ALKAL2: variants seen among roughly 807,000 people sequenced by gnomAD.
ALKAL2 encodes the protein ALK and LTK ligand 2.
Under a neutral mutation model 18.5 loss-of-function variants are expected in ALKAL2, and 8 were observed. That is an observed-to-expected ratio of 0.43 (90% CI 0.25 to 0.78). ALKAL2 has a LOEUF of 0.78. ALKAL2 is among the 30% of genes least tolerant of loss of function. ALKAL2 has a pLI of 0.22. For synonymous variants in ALKAL2, 135 were observed against 95.8 expected (o/e 1.41, Z -2.39); for missense variants, 241 against 211.2 (o/e 1.14, Z -0.88).
rs1332487337 is a variant in ALKAL2 at position 285,836 on chromosome 2, C to CA, written c.388+286dup. The CA allele has an allele frequency of 2.2e-5, 8 of 371,260 alleles. No homozygotes were observed. In the East Asian group the frequency reaches 4.3e-4, roughly 20 times the overall value. The allele number at this position is 371,260 out of a possible 1,614,324, so 23.0% of individuals were successfully genotyped here. On this transcript the variant is annotated intron_variant, in intron 4 of 5. Transcript: ENST00000403610. ...TCTGACTGCCATAGTAGAGTACACA[C>CA]AAACATGGGCATTGGAGGAGAATTA... is the stretch of plus-strand genomic sequence containing the variant.
intron 5 of ALKAL2, 35 bp downstream of exon 5, chr2:283,076 G>A (rs372928283): frequency 1.9e-4 from 302 of 1,578,414 alleles, no homozygotes; most frequent in South Asian, 6.5e-4. Context: ...TCCCATCTTT[G>A]GTATGTGCTC....
chr2:285,689 A>G (rs1355516970), intron 4 of ALKAL2, among the ~76,000 whole-genome samples: 1 of 152,236 alleles, frequency 6.6e-6, no homozygotes, highest in African/African-American at 2.4e-5. Flanking sequence ...TGAAATCACA[A>G]TGAAATTCCT....
intron 2 of ALKAL2, chr2:286,807 TTAGAG>T (rs983594680): frequency 6.5e-6 from 1 of 154,230 alleles, no homozygotes; most frequent in Non-Finnish European, 1.4e-5. Context: ...AGATACATAT[TTAGAG>T]TAAGGATTAA....
chr2:287,802 G>T lies in ALKAL2; in HGVS notation c.34C>A (p.Leu12Met). 2.2e-6 allele frequency: 3 copies of T among 1,352,768 alleles called. No individual in the cohort carries two copies. The South Asian group carries it at 5.6e-5, about 25-fold the overall frequency. 83.8% of individuals were successfully genotyped at this position (1,352,768 alleles called of 1,614,324 possible). The change falls in exon 2 of 6, where the codon CTG (leucine) becomes ATG (methionine). Residue 12 changes from leucine (L) to methionine (M), a missense_variant. By Grantham distance (15) the Leu-to-Met change is conservative (BLOSUM62 2). Transcript: ENST00000403610. ...RGPGHPLLLGLLLVLGAAGRG... is the reference protein window; with the variant it reads ...RGPGHPLLLGMLLVLGAAGRG... ...CCCGCCGCCCCCAGCACCAGCAGCA[G>T]CCCCAGGAGGAGGGGGTGCCCGGGT...
chr2:284,029 T>G (rs943935435), intron 4 of ALKAL2, among the ~76,000 whole-genome samples: 6 of 152,164 alleles, frequency 3.9e-5, no homozygotes, highest in Admixed American at 3.9e-4. Flanking sequence ...ACAGAAAATG[T>G]TTTTCAAAGG....
chr2:288,040 C>G lies in ALKAL2; in HGVS notation c.-85G>C. 1.6e-6 allele frequency: 2 copies of G among 1,217,470 alleles called. No homozygotes were observed. Among genetic ancestry groups the G allele is most frequent in the Non-Finnish European group, 2.0e-6 (2 of 980,174 alleles). The allele number at this position is 1,217,470 out of a possible 1,614,324, so 75.4% of individuals were successfully genotyped here. A position where few individuals can be genotyped will look rare whatever the true frequency, so the allele number is the denominator to read the frequency against. ...CCGCGGACCCCGAGGAACAAGCCGG[C>G]AGGTGAGGGAGCCGCGGTCTCCTCG... On this transcript the variant is annotated 5_prime_UTR_variant, in exon 1 of 6. Transcript: ENST00000403610.
At chr2:285,230 T>C (rs1426623492) in intron 4 of ALKAL2, among the ~76,000 whole-genome samples, 1 of 152,240 alleles carries the variant, frequency 6.6e-6, no homozygotes, top group Non-Finnish European at 1.5e-5. Flanking sequence ...ATGGTTATTA[T>C]TATTTGAAGT....
At position 287,574 on chromosome 2, in the gene ALKAL2, C is replaced by A; in HGVS notation, c.253+9G>T. On this transcript the variant is annotated intron_variant, in intron 2 of 5. Coordinates refer to ENST00000403610, the MANE Select transcript of ALKAL2 (RefSeq NM_001002919.3). ...GCCCCGGCCCTCGGGCGCGCTCGGC[C>A]CCACTCACCCACTCGCTGCTCCGGC... The A allele has an allele frequency of 7.1e-7, 1 of 1,417,214 alleles. No homozygotes were observed. Among genetic ancestry groups the A allele is most frequent in the South Asian group, 1.5e-5 (1 of 67,460 alleles). The allele number at this position is 1,417,214 out of a possible 1,614,324, so 87.8% of individuals were successfully genotyped here.
intron 4 of ALKAL2, among the ~76,000 whole-genome samples, chr2:283,836 TAC>T (rs1319271005): frequency 1.1e-4 from 16 of 152,220 alleles, no homozygotes; most frequent in Non-Finnish European, 1.8e-4. Context: ...TGTAAATTAT[TAC>T]AGTTTATTTC....
intron 5 of ALKAL2, among the ~76,000 whole-genome samples, chr2:282,896 C>T (rs1670398776): frequency 6.6e-6 from 1 of 152,214 alleles, no homozygotes; most frequent in South Asian, 2.1e-4. Flanking sequence ...GCCCGTGTGC[C>T]ATGCAGTGAG....
At position 286,134 on chromosome 2, in the gene ALKAL2, G is replaced by C. The variant is rs764847095; in HGVS notation, c.377C>G (p.Thr126Ser). 3 of 1,613,492 alleles carry C rather than the reference G, an allele frequency of 1.9e-6. No homozygotes were observed. In the African/African-American group the frequency reaches 4.0e-5, roughly 22 times the overall value. Reference protein sequence around the residue: ...HRLYHNTRDCTIPAYYKRCAR... With the variant: ...HRLYHNTRDCSIPAYYKRCAR... Reference sequence around the variant, plus strand: ...ATGCTGTTACTTACATGCAGGAATGGTGCAGTCTCTGGTGTTGTGATAAAG... The same window carrying C: ...ATGCTGTTACTTACATGCAGGAATGCTGCAGTCTCTGGTGTTGTGATAAAG... Residue 126 changes from threonine (T) to serine (S), a missense_variant, in exon 4 of 6, where the codon ACC becomes AGC. Coordinates refer to ENST00000403610, the MANE Select transcript of ALKAL2 (RefSeq NM_001002919.3).
At chr2:284,849 A>C (rs747814697) in intron 4 of ALKAL2, among the ~76,000 whole-genome samples, 6 of 152,210 alleles carry the variant, frequency 3.9e-5, no homozygotes, top group Non-Finnish European at 8.8e-5. Context: ...ATATATGTAC[A>C]TCAAAACAAT....
Position 288,041 on chromosome 2 carries a change from A to T in ALKAL2, c.-86T>A. 8.2e-7 allele frequency: 1 copy of T among 1,216,144 alleles called. No homozygotes were observed. The highest frequency in any genetic ancestry group is 1.0e-6 in the Non-Finnish European group (1 of 979,398). The allele number at this position is 1,216,144 out of a possible 1,614,324, so 75.3% of individuals were successfully genotyped here. On this transcript the variant is annotated 5_prime_UTR_variant, in exon 1 of 6. Transcript: ENST00000403610. ...CGCGGACCCCGAGGAACAAGCCGGC[A>T]GGTGAGGGAGCCGCGGTCTCCTCGA...
At chr2:285,937 G>A (rs941985334) in intron 4 of ALKAL2, 186 bp downstream of exon 4, 5 of 567,152 alleles carry the variant, frequency 8.8e-6, no homozygotes, top group African/African-American at 3.7e-5. Context: ...CCAGTTTGGC[G>A]TTAGCTGATG....
At position 286,284 on chromosome 2, in the gene ALKAL2, A is replaced by T; in HGVS notation, c.307+6T>A. 1 of 1,612,128 alleles carries T rather than the reference A, an allele frequency of 6.2e-7. No homozygotes were observed. Among genetic ancestry groups the T allele is most frequent in the Non-Finnish European group, 8.5e-7 (1 of 1,179,016 alleles). On this transcript the variant is annotated splice_donor_region_variant and intron_variant, in intron 3 of 5. Coordinates refer to ENST00000403610, the MANE Select transcript of ALKAL2 (RefSeq NM_001002919.3). Reference sequence around the variant, plus strand: ...GGGAGACGTGAGGAACGAGGAGAAAACTTACCTGTAAGGTGTTTTAGAAAC... The same window carrying T: ...GGGAGACGTGAGGAACGAGGAGAAATCTTACCTGTAAGGTGTTTTAGAAAC...
chr2:287,743 C>G lies in ALKAL2; in HGVS notation c.93G>C (p.Pro31=). 1 of 1,458,100 alleles carries G rather than the reference C, an allele frequency of 6.9e-7. No individual in the cohort carries two copies. The highest frequency in any genetic ancestry group is 9.0e-7 in the Non-Finnish European group (1 of 1,109,494). 90.3% of individuals were successfully genotyped at this position (1,458,100 alleles called of 1,614,324 possible). The stretch of plus-strand genomic sequence containing the variant: ...GCCGCAGCAGCGCCTGTCCGTCCGC[C>G]GGCTCCCGGGGCTCCGCGCCCCCCC... The part of the protein sequence containing the change: ...RGRGGAEPRE[P]ADGQALLRLV... Residue 31 remains proline, a synonymous_variant, in exon 2 of 6, where the codon CCG becomes CCC. Transcript: ENST00000403610.
intron 5 of ALKAL2, among the ~76,000 whole-genome samples, chr2:280,841 TGAG>T (rs1347739473): frequency 2.0e-5 from 3 of 152,214 alleles, no homozygotes; most frequent in African/African-American, 7.2e-5. Context: ...TGCTCTGAGG[TGAG>T]GAGGGCAGAG....
chr2:281,639 G>C (rs1317591620), intron 5 of ALKAL2, among the ~76,000 whole-genome samples: 1 of 152,174 alleles, frequency 6.6e-6, no homozygotes, highest in Admixed American at 6.5e-5. Flanking sequence ...AGGGGAGGCA[G>C]GGGTCGGCTA....
In ALKAL2 at chr2:279,706, C is replaced by G. The variant is rs557484651; in HGVS notation, c.*441G>C. On this transcript the variant is annotated 3_prime_UTR_variant, in exon 6 of 6. Coordinates refer to ENST00000403610, the MANE Select transcript of ALKAL2 (RefSeq NM_001002919.3). ...CACTCCACTGTCTCTAAAACATGAC[C>G]GAAATTTTAATTTTTCATGCCGTTC... 89 of 164,018 alleles carry G rather than the reference C, an allele frequency of 5.4e-4. No individual in the cohort carries two copies. Among genetic ancestry groups the G allele is most frequent in the Admixed American group, 1.8e-3 (30 of 16,650 alleles). 10.2% of individuals were successfully genotyped at this position (164,018 alleles called of 1,614,324 possible).
Sources: gnomAD v4.1 joint callset for allele counts (sites outside exome capture counted in the v4.1 genomes callset) on GRCh38, gnomAD v4.1.1 for gene constraint, MANE v1.5 for transcripts, NCBI Gene and HGNC (gene_info 2026-07-23, HGNC 2026-07-21) for gene names.